Variants in FBXO6 observed in about 807,000 individuals in gnomAD.
FBXO6 encodes the protein F-box protein 6, also known as F-box only protein 6.
A neutral mutation model predicts 25.0 loss-of-function variants in FBXO6; 13 were observed. The observed-to-expected ratio is 0.52, with a 90% CI of 0.34 to 0.83. The LOEUF is 0.83. FBXO6 is among the 40% of genes least tolerant of loss of function. FBXO6 has a pLI of 0.02. For missense variants in FBXO6, 370 were observed against 380.2 expected (o/e 0.97, Z 0.22); for synonymous variants, 138 against 155.3 (o/e 0.89, Z 0.83).
At chr1:11,666,811 T>TGA (rs1194869441) in intron 1 of FBXO6, among the ~76,000 whole-genome samples, 1 of 152,108 alleles carries the variant, frequency 6.6e-6, no homozygotes, top group Non-Finnish European at 1.5e-5. Context: ...CAGAAGACCA[T>TGA]GAACTGCTGC....
At chr1:11,669,404 C>T (rs1461090344) in intron 2 of FBXO6, among the ~76,000 whole-genome samples, 2 of 151,152 alleles carry the variant, frequency 1.3e-5, no homozygotes, top group South Asian at 2.1e-4. Flanking sequence ...GCAGAGGTTG[C>T]GGTGAGCCGA....
intron 1 of FBXO6, among the ~76,000 whole-genome samples, chr1:11,666,443 G>C (rs906339093): frequency 6.7e-6 from 1 of 150,310 alleles, no homozygotes; most frequent in African/African-American, 2.5e-5. Flanking sequence ...GTGCAGTGGT[G>C]CAATCTCGGC....
Position 11,668,775 on chromosome 1 carries a change from G to T in FBXO6, c.117G>T (p.Leu39=). 1 of 1,614,056 alleles carries T rather than the reference G, an allele frequency of 6.2e-7. No individual in the cohort carries two copies. Among genetic ancestry groups the T allele is most frequent in the Non-Finnish European group, 8.5e-7 (1 of 1,180,028 alleles). Residue 39 remains leucine (L), a synonymous_variant, in exon 2 of 6, where the codon CTG becomes CTT. Coordinates refer to ENST00000376753, the MANE Select transcript of FBXO6 (RefSeq NM_018438.6). The part of the protein sequence containing the change: ...PARQLLLNCR[L]VCSLWRDLID... ...GCCAGCTGCTGCTGAACTGCCGCCTGGTCTGCAGCCTCTGGCGGGACCTCA... is the reference window on the plus strand; with the variant it reads ...GCCAGCTGCTGCTGAACTGCCGCCTTGTCTGCAGCCTCTGGCGGGACCTCA...
chr1:11,669,837 A>G (rs1372638614), intron 2 of FBXO6, among the ~76,000 whole-genome samples: 1 of 148,740 alleles, frequency 6.7e-6, no homozygotes, highest in Non-Finnish European at 1.5e-5. Context: ...AGGTTTTGCC[A>G]TGTTGGCCAG....
Position 11,673,783 on chromosome 1 carries a change from C to A in FBXO6, c.814C>A (p.Pro272Thr). 1.2e-6 allele frequency: 2 copies of A among 1,614,148 alleles called. No homozygotes were observed. Among genetic ancestry groups the A allele is most frequent in the Non-Finnish European group, 1.7e-6 (2 of 1,180,050 alleles). Residue 272 changes from proline to threonine, a missense_variant, in exon 6 of 6, where the codon CCT (proline) becomes ACT (threonine). Physicochemically the swap from Pro to Thr is conservative, Grantham distance 38. Coordinates refer to ENST00000376753, the MANE Select transcript of FBXO6 (RefSeq NM_018438.6). The surrounding 1 kb of genome is among the most constrained non-coding windows in gnomAD (Gnocchi z 4.3). ...GAACCAGGCCTCCTCCGAGGCTCAG[C>A]CTGGGCAGAAGCATGGACAGGAGGA... ...TRNQASSEAQ[P>T]GQKHGQEEAA...
At position 11,673,526 on chromosome 1, in the gene FBXO6, T is replaced by TCCAGCCTGGGCAGCTCTCCCAG; in HGVS notation, c.646-71_646-70insCCAGCCAGCCTGGGCAGCTCTC. The TCCAGCCTGGGCAGCTCTCCCAG allele has an allele frequency of 4.5e-6, 7 of 1,571,182 alleles. No individual in the cohort carries two copies. The highest frequency in any genetic ancestry group is 1.7e-4 in the Middle Eastern group (1 of 5,860). On this transcript the variant is annotated intron_variant, in intron 5 of 5. Coordinates refer to ENST00000376753, the MANE Select transcript of FBXO6 (RefSeq NM_018438.6). The surrounding 1 kb of genome is among the most constrained non-coding windows in gnomAD (Gnocchi z 4.3). ...CCCTGCTGGCCTGGAGCTGTTGCCTTCCAGCCTGGGCAGCTCTCTTAGAGG... is the reference window on the plus strand; with the variant it reads ...CCCTGCTGGCCTGGAGCTGTTGCCTTCCAGCCTGGGCAGCTCTCCCAGCCAGCCTGGGCAGCTCTCTTAGAGG...
At chr1:11,669,935 G>T (rs960501645) in intron 2 of FBXO6, among the ~76,000 whole-genome samples, 1 of 140,206 alleles carries the variant, frequency 7.1e-6, no homozygotes, top group South Asian at 2.4e-4. Context: ...CCACACCGCC[G>T]GGGGCGGTGG....
chr1:11,669,938 G>C (rs1360866363), intron 2 of FBXO6, among the ~76,000 whole-genome samples: 3 of 141,770 alleles, frequency 2.1e-5, no homozygotes, highest in Non-Finnish European at 4.7e-5. Context: ...CACCGCCGGG[G>C]GCGGTGGCTC....
chr1:11,668,174 T>C (rs1327310506), intron 1 of FBXO6, among the ~76,000 whole-genome samples: 3 of 152,030 alleles, frequency 2.0e-5, no homozygotes, highest in Non-Finnish European at 4.4e-5. Context: ...TCACAGAACT[T>C]TGCAGACAAG....
intron 1 of FBXO6, among the ~76,000 whole-genome samples, chr1:11,665,367 G>A (rs1305584033): frequency 6.7e-6 from 1 of 149,746 alleles, no homozygotes. Flanking sequence ...TGGGACTACA[G>A]GCACCTGCTT....
intron 4 of FBXO6, 119 bp downstream of exon 4, chr1:11,672,142 T>A: frequency 1.1e-6 from 1 of 907,920 alleles, no homozygotes; most frequent in Non-Finnish European, 1.7e-6. Context: ...TGGAGCCAGG[T>A]AGCCCCGGCC....
Position 11,669,633 on chromosome 1 carries a change from TATAC to T in FBXO6, c.286+693_286+696del, listed in dbSNP as rs565997134. 1.5e-3 allele frequency among the ~76,000 whole-genome samples: 224 copies of T among 148,566 alleles called. 1 individual carries two copies. The highest frequency in any genetic ancestry group is 5.1e-3 in the African/African-American group (207 of 40,224). On this transcript the variant is annotated intron_variant, in intron 2 of 5. Coordinates refer to ENST00000376753, the MANE Select transcript of FBXO6 (RefSeq NM_018438.6). ...GTATACATATACGTATATACACATG[TATAC>T]ATATATACACGTGTATACATATACA...
At chr1:11,671,168 C>T (rs767638377) in intron 2 of FBXO6, 98 bp from the exon 3 acceptor site, 309 of 1,509,512 alleles carry the variant, frequency 2.0e-4, no homozygotes, top group Non-Finnish European at 2.6e-4. Context: ...AGGTCACTAA[C>T]GCCAACCACC....
chr1:11,668,725 G>C lies in FBXO6; in HGVS notation c.67G>C (p.Glu23Gln). 6.2e-7 allele frequency: 1 copy of C among 1,614,076 alleles called. No homozygotes were observed. Among genetic ancestry groups the C allele is most frequent in the Non-Finnish European group, 8.5e-7 (1 of 1,180,030 alleles). ...INELPENILLELFTHVPARQL... is the reference protein window; with the variant it reads ...INELPENILLQLFTHVPARQL... ...CGAGCTGCCCGAGAACATCCTGCTG[G>C]AGCTGTTCACGCACGTGCCCGCCCG... The change falls in exon 2 of 6, where the codon GAG becomes CAG. Residue 23 changes from glutamate (E) to glutamine (Q), a missense_variant. Transcript: ENST00000376753.
chr1:11,673,448 C>T lies in FBXO6; in HGVS notation c.645+36C>T, dbSNP rs1485116134. ...ACCCACTTGCTCTCTCTACCCACTCCTCCCAGGGCCAGGATGGCAGGAAGC... is the reference window on the plus strand; with the variant it reads ...ACCCACTTGCTCTCTCTACCCACTCTTCCCAGGGCCAGGATGGCAGGAAGC... On this transcript the variant is annotated intron_variant, in intron 5 of 5. Coordinates refer to ENST00000376753, the MANE Select transcript of FBXO6 (RefSeq NM_018438.6). The surrounding 1 kb of genome is among the most constrained non-coding windows in gnomAD (Gnocchi z 4.3). 1 of 1,606,634 alleles carries T rather than the reference C, an allele frequency of 6.2e-7. No individual in the cohort carries two copies. The highest frequency in any genetic ancestry group is 8.5e-7 in the Non-Finnish European group (1 of 1,175,134).
intron 1 of FBXO6, among the ~76,000 whole-genome samples, chr1:11,664,947 C>T (rs189299392): frequency 2.6e-5 from 4 of 152,330 alleles, no homozygotes; most frequent in Admixed American, 2.6e-4. Flanking sequence ...TCGGTCACCA[C>T]GGTGGGAAGC....
chr1:11,671,498 G>A, intron 3 of FBXO6, 106 bp downstream of exon 3: 3 of 1,504,492 alleles, frequency 2.0e-6, no homozygotes, highest in South Asian at 1.3e-5. Flanking sequence ...TCTCTGCGAA[G>A]CTCGAGGGAG....
chr1:11,670,850 G>T (rs1640597908), intron 2 of FBXO6, among the ~76,000 whole-genome samples: 2 of 152,190 alleles, frequency 1.3e-5, no homozygotes, highest in African/African-American at 2.4e-5. Context: ...ACCGCAACAT[G>T]GAAGTGAGGA....
rs1430391587 is a variant in FBXO6 at position 11,673,858 on chromosome 1, T to G, written c.*7T>G. On this transcript the variant is annotated 3_prime_UTR_variant, in exon 6 of 6. Transcript: ENST00000376753. The surrounding 1 kb of genome is among the most constrained non-coding windows in gnomAD (Gnocchi z 4.3). ...TGTTGTCCAGATTTTCTGACAGCTG[T>G]CCATCCTGTGTCTGGGTCAGCCAGA... is the stretch of plus-strand genomic sequence containing the variant. The G allele has an allele frequency of 6.2e-7, 1 of 1,613,376 alleles. No individual in the cohort carries two copies. The highest frequency in any genetic ancestry group is 8.5e-7 in the Non-Finnish European group (1 of 1,179,520).
Sources: gnomAD v4.1 joint callset for allele counts (sites outside exome capture counted in the v4.1 genomes callset) on GRCh38, gnomAD v4.1.1 for gene constraint, Gnocchi (gnomAD v3.1) non-coding constraint, MANE v1.5 for transcripts, NCBI Gene and HGNC (gene_info 2026-07-23, HGNC 2026-07-21) for gene names.